ARL10: variants seen among roughly 807,000 people sequenced by gnomAD.
ARL10 encodes ADP-ribosylation factor-like protein 10.
A neutral mutation model predicts 26.1 loss-of-function variants in ARL10; 23 were observed. The observed-to-expected ratio is 0.88, with a 90% confidence interval of 0.63 to 1.25. The LOEUF is 1.25. Among genes scored for constraint, ARL10 ranks in the 50% most tolerant of loss-of-function variants. The pLI is 0.00. For synonymous variants in ARL10, 138 were observed against 149.1 expected (o/e 0.93, Z 0.54); for missense variants, 300 against 323.6 (o/e 0.93, Z 0.56).
downstream of ARL10, among the ~76,000 whole-genome samples, chr5:176,390,773 T>C (rs1223516152): frequency 1.3e-5 from 2 of 152,086 alleles, no homozygotes; most frequent in African/African-American, 4.8e-5. Context: ...TGACACAGTA[T>C]AGAAGAGGAA....
intron 1 of ARL10, among the ~76,000 whole-genome samples, chr5:176,395,401 T>C (rs1024925165): frequency 6.6e-6 from 1 of 152,144 alleles, no homozygotes; most frequent in Non-Finnish European, 1.5e-5. Flanking sequence ...CTTACCAATC[T>C]GGCACAAGGC....
downstream of ARL10, chr5:176,383,975 C>A: frequency 6.5e-7 from 1 of 1,530,270 alleles, no homozygotes. Flanking sequence ...TATGTACACA[C>A]TATATTTACA....
At chr5:176,387,236 T>C (rs1755933936) in intron 1 of ARL10, among the ~76,000 whole-genome samples, 1 of 151,796 alleles carries the variant, frequency 6.6e-6, no homozygotes, top group South Asian at 2.1e-4. Context: ...TGCGCCACCA[T>C]GCCCAGCTAA....
downstream of ARL10, chr5:176,406,751 G>A (rs1757142245): frequency 1.6e-6 from 2 of 1,259,048 alleles, no homozygotes; most frequent in African/African-American, 1.5e-5. Context: ...GCTCTGTCTG[G>A]GATCCTTGAA....
chr5:176,385,120 C>A, downstream of ARL10: 1 of 777,228 alleles, frequency 1.3e-6, no homozygotes, highest in Non-Finnish European at 2.4e-6. Context: ...GCCTCCCTTT[C>A]TTTGCACTCG....
chr5:176,366,715 G>A, intron 2 of ARL10, 134 bp downstream of exon 2: 1 of 1,069,604 alleles, frequency 9.3e-7, no homozygotes, highest in Non-Finnish European at 1.3e-6. Context: ...ACCGCTCTCC[G>A]GGGCACAGGA....
the ARL10 span, among the ~76,000 whole-genome samples, chr5:176,409,068 C>A: frequency 2.0e-5 from 3 of 152,016 alleles, no homozygotes; most frequent in Non-Finnish European, 4.4e-5. Flanking sequence ...CCTCCCACTC[C>A]CGGATTCAAG....
At chr5:176,384,569 T>C (rs562698151), downstream of ARL10, 43 of 602,708 alleles carry the variant, frequency 7.1e-5, 1 homozygote, top group South Asian at 6.5e-4. Flanking sequence ...GGAGGATCTC[T>C]TGAGCCCAGG....
At chr5:176,386,796 C>G, downstream of ARL10, 2 of 1,547,748 alleles carry the variant, frequency 1.3e-6, no homozygotes, top group Non-Finnish European at 1.8e-6. Flanking sequence ...CAGCTTCCCA[C>G]AGTGCAGGAC....
At chr5:176,405,489 C>CAAAAAAAAAAAAAAAAAAAAAAAAAAAAA (rs988554368), downstream of ARL10, 2 of 52,238 alleles carry the variant, frequency 3.8e-5, no homozygotes, top group Middle Eastern at 8.3e-3. Context: ...CCCTGTCTCT[C>CAAAAAAAAAAAAAAAAAAAAAAAAAAAAA]AAAAAAAAAA....
At chr5:176,403,414 C>G (rs1251671416), downstream of ARL10, among the ~76,000 whole-genome samples, 4 of 151,654 alleles carry the variant, frequency 2.6e-5, no homozygotes, top group Non-Finnish European at 4.4e-5. Context: ...ATCTTCGCAA[C>G]CCTACATGGT....
Position 176,372,894 on chromosome 5 carries a change from T to A in ARL10, c.*999T>A. The A allele has an allele frequency of 2.5e-6, 1 of 398,672 alleles. No individual in the cohort carries two copies. Among genetic ancestry groups the A allele is most frequent in the Non-Finnish European group, 4.4e-6 (1 of 226,064 alleles). The allele number at this position is 398,672 out of a possible 1,614,324, so 24.7% of individuals were successfully genotyped here. ...ATGACAGTCATAGAAAATTTGGAAC[T>A]TAGGAAAATAGCTGGAATCATGAAT... On this transcript the variant is annotated 3_prime_UTR_variant, in exon 4 of 4. Transcript: ENST00000310389.
chr5:176,384,944 G>A (rs1581404961), downstream of ARL10: 4 of 576,230 alleles, frequency 6.9e-6, no homozygotes, highest in East Asian at 1.1e-4. Context: ...CTGGGTGACT[G>A]AGCAAGACTC....
chr5:176,396,585 A>G (rs1278692119), intron 1 of ARL10: 11 of 1,313,102 alleles, frequency 8.4e-6, no homozygotes, highest in Non-Finnish European at 9.9e-6. Context: ...AGATGGCAAG[A>G]CAGACAGGCA....
chr5:176,369,300 T>C, intron 3 of ARL10: 1 of 1,028,078 alleles, frequency 9.7e-7, no homozygotes, highest in Non-Finnish European at 1.3e-6. Flanking sequence ...TGGTGTGATC[T>C]CGGCTCACTG....
At chr5:176,389,104 G>A (rs887137414), downstream of ARL10, 15 of 1,268,456 alleles carry the variant, frequency 1.2e-5, no homozygotes, top group African/African-American at 1.3e-4. Flanking sequence ...GGGCGGGGCG[G>A]TGAGGGGCGA....
chr5:176,391,128 G>A (rs1756252572), downstream of ARL10, among the ~76,000 whole-genome samples: 1 of 152,024 alleles, frequency 6.6e-6, no homozygotes, highest in Non-Finnish European at 1.5e-5. Context: ...GCTGTACTAG[G>A]GCCAGCTAAG....
chr5:176,369,404 T>C (rs943239277), intron 3 of ARL10, among the ~76,000 whole-genome samples: 1 of 152,038 alleles, frequency 6.6e-6, no homozygotes, highest in Non-Finnish European at 1.5e-5. Context: ...AGCCAATTTT[T>C]GTATTTTTAG....
rs1768409075 is a variant in ARL10 at position 176,368,581 on chromosome 5, A to T, written c.386-226A>T. Among the ~76,000 whole-genome samples the T allele has an allele frequency of 6.6e-6, 1 of 152,102 alleles. No individual in the cohort carries two copies. Among genetic ancestry groups the T allele is most frequent in the Admixed American group, 6.6e-5 (1 of 15,262 alleles). On this transcript the variant is annotated intron_variant, in intron 2 of 3. Transcript: ENST00000310389. This position sits in a 1 kb window ranked among gnomAD's most constrained non-coding sequence, Gnocchi z 4.1. ...AGACCCGCCTATCAGAGCTAGAGCT[A>T]AATCCAGTCTGAGTAGCTGCGGAAA...
Sources: allele counts gnomAD v4.1 joint callset (sites outside exome capture counted in the v4.1 genomes callset), GRCh38; gene constraint gnomAD v4.1.1; non-coding constraint Gnocchi (gnomAD v3.1); transcripts MANE v1.5; gene names NCBI Gene and HGNC (gene_info 2026-07-23, HGNC 2026-07-21).